Variants in RAP1GAP2 observed in about 807,000 individuals in gnomAD.
RAP1GAP2 encodes RAP1 GTPase activating protein 2.
Under a neutral mutation model 95.0 loss-of-function variants are expected in RAP1GAP2, and 27 were observed. The ratio of observed to expected loss-of-function variants is 0.28; its 90% CI spans 0.21 to 0.39. The LOEUF (loss-of-function observed/expected upper bound fraction) is 0.39. Ranked by LOEUF, RAP1GAP2 falls within the 10% of genes least tolerant of loss-of-function variation. RAP1GAP2 has a pLI of 1.00. For synonymous variants in RAP1GAP2, 373 were observed against 380.9 expected (o/e 0.98, Z 0.24); for missense variants, 771 against 970.0 (o/e 0.79, Z 2.72).
At chr17:2,970,015 T>G (rs575173306) in intron 8 of RAP1GAP2, among the ~76,000 whole-genome samples, 52 of 152,148 alleles carry the variant, frequency 3.4e-4, no homozygotes, top group Non-Finnish European at 1.6e-4. Flanking sequence ...GGTTCACGCC[T>G]GTAATCTCAG....
chr17:2,963,951 G>A lies in RAP1GAP2; in HGVS notation c.375G>A (p.Ser125=). The change falls in exon 7 of 25, where the codon TCG becomes TCA. Residue 125 remains serine (S), a synonymous_variant. Coordinates refer to ENST00000254695, the MANE Select transcript of RAP1GAP2 (RefSeq NM_015085.5). This position sits in a 1 kb window ranked among gnomAD's most constrained non-coding sequence, Gnocchi z 4.8. Reference sequence around the variant, plus strand: ...CGGAGAACGTGGGCACCCCAACATCGCTGGGGAGCAGCATCTGTGAGGAGG... The same window carrying A: ...CGGAGAACGTGGGCACCCCAACATCACTGGGGAGCAGCATCTGTGAGGAGG... The part of the protein sequence containing the change: ...EDPENVGTPT[S]LGSSICEEEE... 1.2e-6 allele frequency: 2 copies of A among 1,613,224 alleles called. No individual in the cohort carries two copies. The highest frequency in any genetic ancestry group is 1.3e-5 in the African/African-American group (1 of 74,898).
intron 2 of RAP1GAP2, among the ~76,000 whole-genome samples, chr17:2,852,911 C>T (rs992563461): frequency 6.6e-6 from 1 of 152,206 alleles, no homozygotes; most frequent in Admixed American, 6.5e-5. Flanking sequence ...CCCTTCCTTT[C>T]CGAAGGAGAT....
chr17:2,820,457 C>T (rs1441713431), intron 2 of RAP1GAP2, among the ~76,000 whole-genome samples: 1 of 151,968 alleles, frequency 6.6e-6, no homozygotes, highest in African/African-American at 2.4e-5. Flanking sequence ...CCCGTCTCTA[C>T]TAAAAACACA....
rs374320244 is a variant in RAP1GAP2, at chr17:2,889,202, G to A, written c.81-16082G>A. On this transcript the variant is annotated intron_variant, in intron 2 of 24. Transcript: ENST00000254695. Reference sequence around the variant, plus strand: ...GTGCTCACTTACGTTCCCACCAATCGTGTCTCAGGCTCTTGAGCAGGGAGA... The same window carrying A: ...GTGCTCACTTACGTTCCCACCAATCATGTCTCAGGCTCTTGAGCAGGGAGA... Among the ~76,000 whole-genome samples, 207 of 152,232 alleles carry A rather than the reference G, an allele frequency of 1.4e-3. 4 individuals carry two copies. The South Asian group carries it at 0.041, about 30-fold the overall frequency.
chr17:2,969,900 G>A (rs1012888237), intron 8 of RAP1GAP2, among the ~76,000 whole-genome samples: 5 of 151,930 alleles, frequency 3.3e-5, no homozygotes, highest in African/African-American at 4.8e-5. Context: ...AGATTTTTCC[G>A]TATTAGCATA....
At chr17:2,798,959 C>T (rs896708428) in intron 1 of RAP1GAP2, among the ~76,000 whole-genome samples, 5 of 152,254 alleles carry the variant, frequency 3.3e-5, no homozygotes, top group African/African-American at 7.2e-5. Flanking sequence ...TCCACCTTGA[C>T]CATTGAGGAA....
chr17:2,781,774 G>A (rs1288877062), intron 1 of RAP1GAP2, among the ~76,000 whole-genome samples: 1 of 150,666 alleles, frequency 6.6e-6, no homozygotes, highest in Non-Finnish European at 1.5e-5. Flanking sequence ...GCACGTCTGT[G>A]TGTGCACGTT....
intron 2 of RAP1GAP2, among the ~76,000 whole-genome samples, chr17:2,823,148 G>A (rs72817379): frequency 0.13 from 18,953 of 151,406 alleles, 1,676 homozygotes; most frequent in African/African-American, 0.25. Context: ...GCTGGCTTCC[G>A]GATACCTCAT....
At chr17:2,890,053 A>T in intron 2 of RAP1GAP2, among the ~76,000 whole-genome samples, 1 of 151,542 alleles carries the variant, frequency 6.6e-6, no homozygotes, top group East Asian at 1.9e-4. Context: ...GGGTTAGAGC[A>T]TGCTGTTGAG....
chr17:2,933,054 G>A (rs2043204903), intron 3 of RAP1GAP2, among the ~76,000 whole-genome samples: 1 of 152,204 alleles, frequency 6.6e-6, no homozygotes, highest in Non-Finnish European at 1.5e-5. Flanking sequence ...GTGTCCCCGC[G>A]TACAGGGCAG....
At chr17:2,881,638 T>C (rs2073295310) in intron 2 of RAP1GAP2, among the ~76,000 whole-genome samples, 1 of 152,250 alleles carries the variant, frequency 6.6e-6, no homozygotes, top group Admixed American at 6.5e-5. Context: ...TTGGAAATGT[T>C]TTCTGGAGTG....
chr17:2,960,437 C>T (rs891077912), intron 4 of RAP1GAP2, among the ~76,000 whole-genome samples: 1 of 152,188 alleles, frequency 6.6e-6, no homozygotes, highest in Non-Finnish European at 1.5e-5. Flanking sequence ...AGCGCCTGTT[C>T]AGTGGGAACG....
At chr17:2,892,894 T>C (rs192383685) in intron 2 of RAP1GAP2, among the ~76,000 whole-genome samples, 6 of 152,342 alleles carry the variant, frequency 3.9e-5, no homozygotes, top group Admixed American at 2.6e-4. Context: ...TTTCTCTTTC[T>C]GGGAACTTTC....
intron 2 of RAP1GAP2, among the ~76,000 whole-genome samples, chr17:2,801,496 AT>A (rs2069292051): frequency 6.6e-6 from 1 of 150,612 alleles, no homozygotes; most frequent in Non-Finnish European, 1.5e-5. Context: ...AAGAAAGATA[AT>A]TACATTTTTT....
At chr17:2,987,681 G>A (rs2045602620) in intron 11 of RAP1GAP2, among the ~76,000 whole-genome samples, 1 of 151,998 alleles carries the variant, frequency 6.6e-6, no homozygotes, top group Non-Finnish European at 1.5e-5. Flanking sequence ...ATTTTTAAAG[G>A]AAATTTTATA....
In RAP1GAP2 at chr17:3,008,990, C is replaced by G. The variant is rs960545519; in HGVS notation, c.1494+845C>G. ...ACGCAGGTCTTCTGATTCTTAGGTC[C>G]GTGTGCTGCTGGATTGCCTGTTAGA... On this transcript the variant is annotated intron_variant, in intron 17 of 24. Transcript: ENST00000254695. The surrounding 1 kb of genome is among the most constrained non-coding windows in gnomAD (Gnocchi z 4.2). Among the ~76,000 whole-genome samples the G allele has an allele frequency of 2.0e-5, 3 of 152,136 alleles. No homozygotes were observed. Among genetic ancestry groups the G allele is most frequent in the Non-Finnish European group, 4.4e-5 (3 of 68,024 alleles).
intron 4 of RAP1GAP2, chr17:2,962,379 CAGAG>C (rs2044372241): frequency 2.4e-6 from 1 of 425,208 alleles, no homozygotes; most frequent in South Asian, 2.9e-5. Flanking sequence ...CATTGAGTCA[CAGAG>C]AGGTTTCTGT....
chr17:2,950,211 G>C (rs900035044), intron 3 of RAP1GAP2, among the ~76,000 whole-genome samples: 2 of 151,940 alleles, frequency 1.3e-5, no homozygotes, highest in East Asian at 3.9e-4. Context: ...GTGCCACCAT[G>C]CCTGGCTAAG....
intron 2 of RAP1GAP2, among the ~76,000 whole-genome samples, chr17:2,823,300 C>T (rs955789859): frequency 6.6e-6 from 1 of 152,128 alleles, no homozygotes; most frequent in Non-Finnish European, 1.5e-5. Context: ...GGTCTCCCAC[C>T]CCGGGGCCTA....
Sources: gnomAD v4.1 joint callset for allele counts (sites outside exome capture counted in the v4.1 genomes callset) on GRCh38, gnomAD v4.1.1 for gene constraint, Gnocchi (gnomAD v3.1) non-coding constraint, MANE v1.5 for transcripts, NCBI Gene and HGNC (gene_info 2026-07-23, HGNC 2026-07-21) for gene names.